Variants in TEX36 observed in about 807,000 individuals in gnomAD.
TEX36 encodes the protein testis-expressed protein 36.
A neutral mutation model predicts 13.6 loss-of-function variants in TEX36; 12 were observed. The ratio of observed to expected loss-of-function variants is 0.88; its 90% CI spans 0.56 to 1.43. The LOEUF (loss-of-function observed/expected upper bound fraction) is 1.43, where lower values mean the gene tolerates loss of function less well. TEX36 is among the 40% of genes most tolerant of loss of function. TEX36 has a pLI of 0.00. For synonymous variants in TEX36, 93 were observed against 83.0 expected (o/e 1.12, Z -0.65); for missense variants, 224 against 228.3 (o/e 0.98, Z 0.12).
chr10:125,612,913 C>T (rs1846307922), intron 3 of TEX36, among the ~76,000 whole-genome samples: 1 of 151,584 alleles, frequency 6.6e-6, no homozygotes, highest in Non-Finnish European at 1.5e-5. Context: ...TCTGGATGGT[C>T]TCCTGATGTG....
downstream of TEX36, among the ~76,000 whole-genome samples, chr10:125,620,937 T>C (rs1322418207): frequency 6.6e-6 from 1 of 152,198 alleles, no homozygotes; most frequent in Non-Finnish European, 1.5e-5. Context: ...GATTTATCCA[T>C]GTTGTAGCAT....
At chr10:125,642,426 A>T (rs1846705660) in intron 3 of TEX36, among the ~76,000 whole-genome samples, 1 of 152,252 alleles carries the variant, frequency 6.6e-6, no homozygotes, top group African/African-American at 2.4e-5. Context: ...ACAGGAGAGA[A>T]GCTACCAAGT....
chr10:125,618,326 G>C (rs1007379143), downstream of TEX36, among the ~76,000 whole-genome samples: 1 of 151,594 alleles, frequency 6.6e-6, no homozygotes, highest in African/African-American at 2.4e-5. Context: ...TCCGTTGCTG[G>C]TGAGGAACTG....
chr10:125,602,977 G>A (rs1204981414), intron 3 of TEX36, among the ~76,000 whole-genome samples: 4 of 152,128 alleles, frequency 2.6e-5, no homozygotes, highest in Admixed American at 6.5e-5. Context: ...TGTCCTCTCC[G>A]GGGCTTGGGA....
At chr10:125,636,795 G>A (rs1846629231) in intron 3 of TEX36, among the ~76,000 whole-genome samples, 1 of 152,144 alleles carries the variant, frequency 6.6e-6, no homozygotes, top group Non-Finnish European at 1.5e-5. Context: ...CTCAGCGTGA[G>A]ATGCGTCCTT....
At position 125,667,094 on chromosome 10, in the gene TEX36, C is replaced by T. The variant is rs7069510; in HGVS notation, c.52-5117G>A. 4,581 of 1,042,308 alleles carry T rather than the reference C, an allele frequency of 4.4e-3. 124 individuals are homozygous for T. In the African/African-American group the frequency reaches 0.06, roughly 14 times the overall value. The allele number at this position is 1,042,308 out of a possible 1,614,324, so 64.6% of individuals were successfully genotyped here. A position where few individuals can be genotyped will look rare whatever the true frequency, so the allele number is the denominator to read the frequency against. On this transcript the variant is annotated intron_variant, in intron 1 of 3. Coordinates refer to ENST00000368821, the MANE Select transcript of TEX36 (RefSeq NM_001128202.3). ...GGTCACAGGGAGCACTTGTTAATGGCGTTGAGGTTGATGGATGCCTCCTCC... is the reference window on the plus strand; with the variant it reads ...GGTCACAGGGAGCACTTGTTAATGGTGTTGAGGTTGATGGATGCCTCCTCC...
At chr10:125,584,339 A>G (rs1326944332) in intron 3 of TEX36, among the ~76,000 whole-genome samples, 1 of 152,250 alleles carries the variant, frequency 6.6e-6, no homozygotes, top group Non-Finnish European at 1.5e-5. Flanking sequence ...GCAGCAACAG[A>G]TCACTGATAC....
In TEX36 at chr10:125,577,548, A is replaced by C. The variant is rs188430525; in HGVS notation, c.265-674T>G. On this transcript the variant is annotated intron_variant, in intron 3 of 3. Transcript: ENST00000532135. Reference sequence around the variant, plus strand: ...ATTGAATATAAGTATTCATTATTTTAAATCATAAAAAATAATTTAAAATGT... The same window carrying C: ...ATTGAATATAAGTATTCATTATTTTCAATCATAAAAAATAATTTAAAATGT... Among the ~76,000 whole-genome samples, 532 of 152,376 alleles carry C rather than the reference A, an allele frequency of 3.5e-3. 1 individual carries two copies. Among genetic ancestry groups the C allele is most frequent in the Non-Finnish European group, 5.3e-3 (363 of 68,038 alleles).
At chr10:125,576,778 T>C (rs1845829092) in exon 4 of TEX36, 1 of 1,535,606 alleles carries the variant, frequency 6.5e-7, no homozygotes, top group Non-Finnish European at 8.7e-7. Flanking sequence ...GCATTAGTTC[T>C]CAGGCCTGGA....
intron 1 of TEX36, among the ~76,000 whole-genome samples, chr10:125,676,913 A>C (rs1238041630): frequency 6.6e-6 from 1 of 152,122 alleles, no homozygotes; most frequent in East Asian, 1.9e-4. Context: ...TTCCCTCAGC[A>C]TTTGCTTGTC....
downstream of TEX36, among the ~76,000 whole-genome samples, chr10:125,617,265 T>G (rs1487089577): frequency 6.6e-5 from 10 of 152,166 alleles, no homozygotes; most frequent in South Asian, 2.1e-3. Flanking sequence ...GTCTTTTAAT[T>G]GGAGCATTTA....
At chr10:125,667,663 T>G in intron 1 of TEX36, 4 of 719,894 alleles carry the variant, frequency 5.6e-6, no homozygotes, top group Non-Finnish European at 1.0e-5. Flanking sequence ...ACATGACAAC[T>G]TGGGGGAAAG....
chr10:125,606,080 T>A (rs1846212243), intron 3 of TEX36, among the ~76,000 whole-genome samples: 1 of 152,224 alleles, frequency 6.6e-6, no homozygotes, highest in South Asian at 2.1e-4. Context: ...CAGAGGGAAC[T>A]TTGTATCTGA....
intron 1 of TEX36, among the ~76,000 whole-genome samples, chr10:125,675,669 C>T (rs187837445): frequency 5.9e-5 from 9 of 152,278 alleles, no homozygotes; most frequent in Admixed American, 4.6e-4. Flanking sequence ...CCCAGGTGGG[C>T]AGACACACCA....
At chr10:125,595,576 C>G (rs1353186500) in intron 3 of TEX36, among the ~76,000 whole-genome samples, 1 of 152,182 alleles carries the variant, frequency 6.6e-6, no homozygotes, top group Admixed American at 6.5e-5. Flanking sequence ...GTGCTCCTCC[C>G]CAGCCACCTT....
At chr10:125,602,642 T>G (rs2133543799) in intron 3 of TEX36, among the ~76,000 whole-genome samples, 1 of 152,292 alleles carries the variant, frequency 6.6e-6, no homozygotes, top group Admixed American at 6.5e-5. Flanking sequence ...GAGTGCCGGC[T>G]CTGTGTCCTA....
intron 3 of TEX36, among the ~76,000 whole-genome samples, chr10:125,647,313 T>G (rs1314301219): frequency 2.3e-5 from 3 of 131,146 alleles, no homozygotes; most frequent in African/African-American, 7.8e-5. Context: ...AAAATTTCAT[T>G]CATTTTACTC....
intron 3 of TEX36, among the ~76,000 whole-genome samples, chr10:125,587,241 G>A (rs2133528532): frequency 6.6e-6 from 1 of 152,336 alleles, no homozygotes; most frequent in South Asian, 2.1e-4. Flanking sequence ...TGTAGTCCCA[G>A]CTACTCAGAG....
At chr10:125,653,510 A>G (rs1445773009), downstream of TEX36, among the ~76,000 whole-genome samples, 2 of 129,198 alleles carry the variant, frequency 1.5e-5, no homozygotes, top group African/African-American at 5.7e-5. Context: ...GGGGGGAGGG[A>G]TAGCATTAGG....
Sources: allele counts gnomAD v4.1 joint callset (sites outside exome capture counted in the v4.1 genomes callset), GRCh38; gene constraint gnomAD v4.1.1; transcripts MANE v1.5; gene names NCBI Gene and HGNC (gene_info 2026-07-23, HGNC 2026-07-21).